Variants in CWC25 observed in about 807,000 individuals in gnomAD.
CWC25 encodes pre-mRNA-splicing factor CWC25 homolog.
In CWC25, 31 loss-of-function variants were observed where a neutral mutation model predicts 54.6. The ratio of observed to expected loss-of-function variants is 0.57; its 90% confidence interval spans 0.43 to 0.77. CWC25 has a LOEUF of 0.77. Ranked by LOEUF, CWC25 falls within the 30% of genes least tolerant of loss-of-function variation. CWC25 has a pLI of 0.00. For missense variants in CWC25, 453 were observed against 529.3 expected (o/e 0.86, Z 1.41); for synonymous variants, 151 against 187.0 (o/e 0.81, Z 1.57).
intron 2 of CWC25, among the ~76,000 whole-genome samples, chr17:38,816,885 C>T (rs968709055): frequency 2.7e-5 from 4 of 150,438 alleles, no homozygotes; most frequent in African/African-American, 4.9e-5. Flanking sequence ...GAGGTTTCAC[C>T]GTGTTGGCCA....
intron 2 of CWC25, among the ~76,000 whole-genome samples, chr17:38,816,404 C>T (rs1911701130): frequency 6.6e-6 from 1 of 151,740 alleles, no homozygotes; most frequent in African/African-American, 2.4e-5. Context: ...CACCACCATG[C>T]CTTGCTGATT....
intron 2 of CWC25, among the ~76,000 whole-genome samples, chr17:38,816,931 C>T (rs1344249341): frequency 6.6e-6 from 1 of 151,830 alleles, no homozygotes; most frequent in Admixed American, 6.6e-5. Flanking sequence ...ATCTGCCAGC[C>T]TTGGCCTCCC....
intron 1 of CWC25, among the ~76,000 whole-genome samples, chr17:38,821,657 T>C (rs1396340009): frequency 6.6e-6 from 1 of 152,170 alleles, no homozygotes; most frequent in Admixed American, 6.6e-5. Flanking sequence ...CAAGTCATCC[T>C]TCCACTAGCC....
rs373288811 is a variant in CWC25 at position 38,810,591 on chromosome 17, T to A, written c.503A>T (p.Gln168Leu). ...VKMKKIKELL[Q>L]MSLEKKEKKK... ...CTTCTCCTTTTTTTCCAGACTCATT[T>A]GCAACTGGAAAATGCCGAGAACACA... The change falls in exon 5 of 10, where the codon CAA becomes CTA. Residue 168 changes from glutamine (Q) to leucine (L), a missense_variant. Around this residue, in one of 2 missense-constraint regions of CWC25, gnomAD observed 444 missense variants for 499.2 expected, o/e 0.89. Coordinates refer to ENST00000614790, the MANE Select transcript of CWC25 (RefSeq NM_017748.5). 1.4e-4 allele frequency: 207 copies of A among 1,445,274 alleles called. No individual in the cohort carries two copies. Among genetic ancestry groups the A allele is most frequent in the Non-Finnish European group, 1.9e-4 (198 of 1,048,470 alleles). 89.5% of individuals were successfully genotyped at this position (1,445,274 alleles called of 1,614,324 possible).
chr17:38,814,803 C>A (rs1290671291), intron 3 of CWC25, 58 bp downstream of exon 3: 2 of 1,145,704 alleles, frequency 1.7e-6, no homozygotes. Context: ...GAATCAATGG[C>A]CTTAGCAGGG....
At chr17:38,809,864 C>A (rs1359400746) in intron 5 of CWC25, 99 bp from the exon 6 acceptor site, 1 of 1,082,496 alleles carries the variant, frequency 9.2e-7, no homozygotes, top group East Asian at 2.6e-5. Flanking sequence ...TCCAATGTGA[C>A]CTTTCCGCCT....
chr17:38,808,689 G>A (rs921664862), intron 6 of CWC25, among the ~76,000 whole-genome samples: 34 of 150,562 alleles, frequency 2.3e-4, no homozygotes, highest in African/African-American at 7.1e-4. Flanking sequence ...GCTGAGGCAG[G>A]AGAATCGCTT....
chr17:38,818,910 A>T (rs1043771589), intron 2 of CWC25, among the ~76,000 whole-genome samples: 1 of 152,176 alleles, frequency 6.6e-6, no homozygotes, highest in Non-Finnish European at 1.5e-5. Context: ...AATTGAGCAC[A>T]TGATGTGTAA....
intron 8 of CWC25, among the ~76,000 whole-genome samples, chr17:38,804,940 C>T (rs1911172426): frequency 6.6e-6 from 1 of 151,482 alleles, no homozygotes; most frequent in Non-Finnish European, 1.5e-5. Context: ...AAGCCTGTCT[C>T]TACTAAAAAT....
chr17:38,804,676 C>T (rs1020128658), intron 8 of CWC25, among the ~76,000 whole-genome samples: 1 of 151,472 alleles, frequency 6.6e-6, no homozygotes, highest in Non-Finnish European at 1.5e-5. Flanking sequence ...GGCATGGTGG[C>T]ATGCGCCTGT....
chr17:38,823,943 C>T (rs1912032063), intron 1 of CWC25, among the ~76,000 whole-genome samples: 1 of 152,194 alleles, frequency 6.6e-6, no homozygotes. Context: ...CACACACCCC[C>T]AAAGAATTAT....
intron 2 of CWC25, 52 bp from the exon 3 acceptor site, chr17:38,815,149 G>A (rs1911647767): frequency 1.3e-6 from 2 of 1,514,092 alleles, no homozygotes; most frequent in Non-Finnish European, 1.8e-6. Flanking sequence ...GCAGACTTCT[G>A]CAAACCTACA....
chr17:38,825,245 C>G lies in CWC25; in HGVS notation c.-62G>C. The G allele has an allele frequency of 6.5e-7, 1 of 1,539,784 alleles. No homozygotes were observed. Among genetic ancestry groups the G allele is most frequent in the Non-Finnish European group, 8.8e-7 (1 of 1,140,084 alleles). On this transcript the variant is annotated 5_prime_UTR_variant, in exon 1 of 10. Coordinates refer to ENST00000614790, the MANE Select transcript of CWC25 (RefSeq NM_017748.5). ...AGATTTCGGGAGGATCAAGAGAAAA[C>G]GTAGAGAAATAGTTCGGGGGCTACC...
intron 1 of CWC25, among the ~76,000 whole-genome samples, chr17:38,821,781 C>CTTTTT (rs36017153): frequency 1.4e-5 from 2 of 144,084 alleles, no homozygotes; most frequent in African/African-American, 5.1e-5. Flanking sequence ...GACATTCATT[C>CTTTTT]TTTTTTTTTT....
At chr17:38,810,843 A>C (rs1456513250) in intron 4 of CWC25, among the ~76,000 whole-genome samples, 3 of 148,716 alleles carry the variant, frequency 2.0e-5, no homozygotes, top group Non-Finnish European at 4.4e-5. Context: ...AATCACCTGA[A>C]CCAGGAGGCA....
chr17:38,812,697 T>G, intron 4 of CWC25, 98 bp downstream of exon 4: 1 of 680,766 alleles, frequency 1.5e-6, no homozygotes, highest in Non-Finnish European at 2.5e-6. Flanking sequence ...TTAGAGGCCA[T>G]TCTGTTTTTC....
In CWC25 at chr17:38,806,577, T is replaced by C. The variant is rs895470338; in HGVS notation, c.903-182A>G. The C allele has an allele frequency of 5.5e-5, 40 of 723,726 alleles. 1 individual carries two copies. The highest frequency in any genetic ancestry group is 8.8e-5 in the Non-Finnish European group (39 of 445,308). The allele number at this position is 723,726 out of a possible 1,614,324, so 44.8% of individuals were successfully genotyped here. A position where few individuals can be genotyped will look rare whatever the true frequency, so the allele number is the denominator to read the frequency against. On this transcript the variant is annotated intron_variant, in intron 7 of 9. Transcript: ENST00000614790. ...GAGCTCCCAAAGCACAGAATACACC[T>C]ACAGATATGTGGCTTTGGATGCCTG...
At chr17:38,814,522 CAAG>C in intron 3 of CWC25, among the ~76,000 whole-genome samples, 1 of 151,584 alleles carries the variant, frequency 6.6e-6, no homozygotes, top group African/African-American at 2.4e-5. Flanking sequence ...GGGCGGATCA[CAAG>C]GTGGTCAGGA....
intron 4 of CWC25, among the ~76,000 whole-genome samples, chr17:38,811,219 G>C (rs147358130): frequency 1.3e-5 from 2 of 151,400 alleles, no homozygotes; most frequent in African/African-American, 4.9e-5. Flanking sequence ...GGGCGACAGA[G>C]TGAGACTCCA....
Sources: allele counts gnomAD v4.1 joint callset (sites outside exome capture counted in the v4.1 genomes callset), GRCh38; gene constraint gnomAD v4.1.1; regional missense constraint gnomAD v4.1.1; transcripts MANE v1.5; gene names NCBI Gene and HGNC (gene_info 2026-07-23, HGNC 2026-07-21).